RBAK: variants seen among roughly 807,000 people sequenced by gnomAD.
The protein encoded by RBAK is RB associated KRAB zinc finger, also known as RB-associated KRAB zinc finger protein.
RBAK carries 39 observed loss-of-function variants against 65.8 expected under a neutral mutation model. The observed-to-expected ratio is 0.59, with a 90% confidence interval of 0.46 to 0.77. RBAK has a LOEUF of 0.77. Among genes scored for constraint, RBAK ranks in the 30% least tolerant of loss-of-function variants. The probability of loss-of-function intolerance (pLI) is 0.00; values close to 1 mark genes in which losing one functional copy is unlikely to be tolerated. For missense variants in RBAK, 884 were observed against 855.1 expected (o/e 1.03, Z -0.42); for synonymous variants, 343 against 289.7 (o/e 1.18, Z -1.87).
At chr7:5,054,405 C>CA (rs35087089) in intron 2 of RBAK, among the ~76,000 whole-genome samples, 3,971 of 103,658 alleles carry the variant, frequency 0.038, 152 homozygotes, top group African/African-American at 0.11. Flanking sequence ...GACTTTGCCT[C>CA]AAAAAAAAAA....
Position 5,048,419 on chromosome 7 carries a change from C to T in RBAK, c.15+328C>T, listed in dbSNP as rs533040633. 1.3e-5 allele frequency among the ~76,000 whole-genome samples: 2 copies of T among 152,326 alleles called. No homozygotes were observed. The highest frequency in any genetic ancestry group is 1.9e-4 in the East Asian group (1 of 5,180). ...AAACTCCTGACCTCAGGTGATCCTCCTGCCTCAGCCTCCCAAAGTGCTGGG... is the reference window on the plus strand; with the variant it reads ...AAACTCCTGACCTCAGGTGATCCTCTTGCCTCAGCCTCCCAAAGTGCTGGG... On this transcript the variant is annotated intron_variant, in intron 2 of 4. Coordinates refer to ENST00000396912, the MANE Select transcript of RBAK (RefSeq NM_021163.4). The surrounding 1 kb of genome is among the most constrained non-coding windows in gnomAD (Gnocchi z 4.4).
intron 3 of RBAK, 103 bp from the exon 4 acceptor site, chr7:5,057,581 G>T (rs1778959698): frequency 6.3e-7 from 1 of 1,586,052 alleles, no homozygotes; most frequent in Non-Finnish European, 8.6e-7. Flanking sequence ...GGTAAAAAAT[G>T]GAGCACTTCT....
chr7:5,050,090 G>GAA, intron 2 of RBAK, among the ~76,000 whole-genome samples: 1 of 152,132 alleles, frequency 6.6e-6, no homozygotes, highest in African/African-American at 2.4e-5. Context: ...TTTCACTTTG[G>GAA]CCTCCCAAAG....
Position 5,068,747 on chromosome 7 carries a change from C to T in RBAK, c.*3146C>T, listed in dbSNP as rs531804452. 7 of 152,230 alleles carry T rather than the reference C, an allele frequency of 4.6e-5. No individual in the cohort carries two copies. The highest frequency in any genetic ancestry group is 3.9e-4 in the Admixed American group (6 of 15,284). 9.4% of individuals were successfully genotyped at this position (152,230 alleles called of 1,614,324 possible). Reference sequence around the variant, plus strand: ...AGGACATGCACTAGAATATTTATAGCCTAAAACTGCACAAAACAGAACTAT... The same window carrying T: ...AGGACATGCACTAGAATATTTATAGTCTAAAACTGCACAAAACAGAACTAT... On this transcript the variant is annotated 3_prime_UTR_variant, in exon 5 of 5. Transcript: ENST00000396912.
At chr7:5,049,835 T>C (rs1275413170) in intron 2 of RBAK, among the ~76,000 whole-genome samples, 2 of 152,134 alleles carry the variant, frequency 1.3e-5, no homozygotes, top group African/African-American at 4.8e-5. Flanking sequence ...ACGATCCTCC[T>C]GCCTCAGCCT....
chr7:5,057,239 G>C, intron 2 of RBAK, 56 bp from the exon 3 acceptor site: 2 of 1,612,890 alleles, frequency 1.2e-6, no homozygotes, highest in South Asian at 2.2e-5. Context: ...TTTGTAAAAC[G>C]TTATCCCCCT....
chr7:5,056,104 CTTTTT>C (rs887932671), intron 2 of RBAK, among the ~76,000 whole-genome samples: 1 of 107,920 alleles, frequency 9.3e-6, no homozygotes. Context: ...TTGCATTTTT[CTTTTT>C]TTTTTTTTTT....
chr7:5,056,104 C>CTTTTTTT (rs887932671), intron 2 of RBAK, among the ~76,000 whole-genome samples: 81 of 107,846 alleles, frequency 7.5e-4, no homozygotes, highest in East Asian at 1.6e-3. Context: ...TTGCATTTTT[C>CTTTTTTT]TTTTTTTTTT....
intron 2 of RBAK, among the ~76,000 whole-genome samples, chr7:5,054,954 G>T (rs542987281): frequency 0.043 from 6,506 of 151,450 alleles, 502 homozygotes; most frequent in African/African-American, 0.15. Flanking sequence ...TTGTTTGTTT[G>T]TTTTTTAGTA....
At chr7:5,057,197 T>G in intron 2 of RBAK, 98 bp from the exon 3 acceptor site, 1 of 1,582,180 alleles carries the variant, frequency 6.3e-7, no homozygotes, top group South Asian at 1.1e-5. Context: ...AAATAAGGTA[T>G]ACAATGTTTA....
Position 5,065,715 on chromosome 7 carries a change from G to C in RBAK, c.*114G>C. 1 of 710,712 alleles carries C rather than the reference G, an allele frequency of 1.4e-6. No individual in the cohort carries two copies. The allele number at this position is 710,712 out of a possible 1,614,324, so 44.0% of individuals were successfully genotyped here. On this transcript the variant is annotated 3_prime_UTR_variant, in exon 5 of 5. Coordinates refer to ENST00000396912, the MANE Select transcript of RBAK (RefSeq NM_021163.4). The surrounding 1 kb of genome is among the most constrained non-coding windows in gnomAD (Gnocchi z 5.3). ...GTTCCTGAACGGTGAGAAGCATTTA[G>C]GCATTAGAGTCATTTTAATCCAAAT...
chr7:5,055,880 C>T (rs1788217920), intron 2 of RBAK, among the ~76,000 whole-genome samples: 1 of 151,990 alleles, frequency 6.6e-6, no homozygotes, highest in Admixed American at 6.5e-5. Flanking sequence ...GCGGCCCTGC[C>T]TCTGCTATCT....
chr7:5,047,331 C>G (rs565123033), intron 1 of RBAK, among the ~76,000 whole-genome samples: 4 of 151,998 alleles, frequency 2.6e-5, no homozygotes, highest in South Asian at 4.2e-4. Flanking sequence ...GCCAGGAGGT[C>G]GAGGCTGCAG....
At chr7:5,061,593 A>T (rs1779072731) in intron 4 of RBAK, among the ~76,000 whole-genome samples, 1 of 149,948 alleles carries the variant, frequency 6.7e-6, no homozygotes, top group South Asian at 2.1e-4. Context: ...GCCCGGCATG[A>T]TCTTGTTTTT....
In RBAK at chr7:5,067,244, G is replaced by T. The variant is rs1400424015; in HGVS notation, c.*1643G>T. 3.9e-5 allele frequency: 6 copies of T among 152,100 alleles called. No homozygotes were observed. Among genetic ancestry groups the T allele is most frequent in the Admixed American group, 3.9e-4 (6 of 15,274 alleles). The allele number at this position is 152,100 out of a possible 1,614,324, so 9.4% of individuals were successfully genotyped here. On this transcript the variant is annotated 3_prime_UTR_variant, in exon 5 of 5. Coordinates refer to ENST00000396912, the MANE Select transcript of RBAK (RefSeq NM_021163.4). The stretch of plus-strand genomic sequence containing the variant: ...AAAAGGCATAGAGATTAGAAAAGAA[G>T]TAAAACTTTAAAAACGAAAAAGAAT...
Position 5,065,548 on chromosome 7 carries a change from C to T in RBAK, c.2092C>T (p.Gln698Ter), listed in dbSNP as rs773298535. ...FHHRSAFNSHQRIHRRGNMNV... is the reference protein window; with the variant it reads ...FHHRSAFNSH The stretch of plus-strand genomic sequence containing the variant: ...CCACAGATCAGCCTTCAATAGCCAT[C>T]AGAGAATTCATAGAAGAGGAAATAT... The change falls in exon 5 of 5, where the codon CAG (glutamine) becomes TAG (stop). Residue 698 changes from glutamine (Q) to a stop codon, truncating the protein, a stop_gained. Transcript: ENST00000396912. LOFTEE classifies it high-confidence loss of function. The surrounding 1 kb of genome is among the most constrained non-coding windows in gnomAD (Gnocchi z 5.3). The T allele has an allele frequency of 7.6e-6, 12 of 1,570,324 alleles. No individual in the cohort carries two copies. Among genetic ancestry groups the T allele is most frequent in the African/African-American group, 1.4e-5 (1 of 73,174 alleles).
In RBAK at chr7:5,064,196, A is replaced by G. The variant is rs116628207; in HGVS notation, c.740A>G (p.Asn247Ser). ...DSGPDFIQMS[N>S]FNAYQRSQME... ...GGACCAGACTTCATACAGATGTCAA[A>G]TTTTAATGCATATCAGAGATCACAA... The change falls in exon 5 of 5, where the codon AAT (asparagine) becomes AGT (serine). Residue 247 changes from asparagine (N) to serine (S), a missense_variant. Transcript: ENST00000396912. This position sits in a 1 kb window ranked among gnomAD's most constrained non-coding sequence, Gnocchi z 6.3. 516 of 1,614,002 alleles carry G rather than the reference A, an allele frequency of 3.2e-4. 2 individuals are homozygous for G. The African/African-American group carries it at 6.2e-3, about 19-fold the overall frequency.
chr7:5,064,300 G>T lies in RBAK; in HGVS notation c.844G>T (p.Ala282Ser), dbSNP rs529286243. ...GTCAAAATTCATCATCCACCAGAGG[G>T]CTCACACAGGAGAGAAACCTTATGA... ...KKSKFIIHQR[A>S]HTGEKPYECN... The change falls in exon 5 of 5, where the codon GCT becomes TCT. Residue 282 changes from alanine (A) to serine (S), a missense_variant. Transcript: ENST00000396912. This position sits in a 1 kb window ranked among gnomAD's most constrained non-coding sequence, Gnocchi z 6.3. 6 of 1,614,084 alleles carry T rather than the reference G, an allele frequency of 3.7e-6. No homozygotes were observed. The South Asian group carries it at 6.6e-5, about 18-fold the overall frequency.
intron 2 of RBAK, among the ~76,000 whole-genome samples, chr7:5,051,941 C>T (rs1252248117): frequency 9.2e-5 from 14 of 152,104 alleles, no homozygotes; most frequent in Admixed American, 9.2e-4. Context: ...GTATTATATC[C>T]TTGTTGATTG....
Sources: gnomAD v4.1 joint callset for allele counts (sites outside exome capture counted in the v4.1 genomes callset) on GRCh38, gnomAD v4.1.1 for gene constraint, Gnocchi (gnomAD v3.1) non-coding constraint, MANE v1.5 for transcripts, NCBI Gene and HGNC (gene_info 2026-07-23, HGNC 2026-07-21) for gene names.